Variants in LAMA2 observed in about 807,000 individuals in gnomAD.
LAMA2 encodes the protein laminin subunit alpha-2.
Under a neutral mutation model 364.8 loss-of-function variants are expected in LAMA2, and 269 were observed. The ratio of observed to expected loss-of-function variants is 0.74; its 90% CI spans 0.67 to 0.82. The LOEUF is 0.82. Ranked by LOEUF, LAMA2 falls within the 40% of genes least tolerant of loss-of-function variation. The probability of loss-of-function intolerance (pLI) is 0.00; values close to 1 mark genes in which losing one functional copy is unlikely to be tolerated. For synonymous variants in LAMA2, 1,379 were observed against 1,370.6 expected, an observed-to-expected ratio of 1.01 and a Z score of -0.14; for missense variants, 3,807 against 3,873.2, an observed-to-expected ratio of 0.98 and a Z score of 0.45.
chr6:129,185,055 G>A (rs1452702204), intron 10 of LAMA2, among the ~76,000 whole-genome samples: 2 of 151,808 alleles, frequency 1.3e-5, no homozygotes, highest in Non-Finnish European at 2.9e-5. Context: ...AAGAAAACCT[G>A]TAATTAACTA....
chr6:129,452,007 G>C (rs1257462073), intron 45 of LAMA2, among the ~76,000 whole-genome samples: 3 of 152,214 alleles, frequency 2.0e-5, no homozygotes, highest in Admixed American at 1.3e-4. Context: ...TTCACTGCTA[G>C]TGAAGGCCAA....
At chr6:129,427,895 G>T in intron 41 of LAMA2, 41 bp downstream of exon 41, 2 of 1,185,628 alleles carry the variant, frequency 1.7e-6, no homozygotes, top group Non-Finnish European at 2.5e-6. Context: ...CAGTTAATCG[G>T]GTTGTTACTG....
chr6:129,221,997 T>A (rs748453727), intron 12 of LAMA2, among the ~76,000 whole-genome samples: 1 of 152,212 alleles, frequency 6.6e-6, no homozygotes, highest in Admixed American at 6.5e-5. Flanking sequence ...AGCAAACATA[T>A]ATTTGCTGAA....
At chr6:129,020,596 C>T (rs1785391474) in intron 1 of LAMA2, among the ~76,000 whole-genome samples, 1 of 152,148 alleles carries the variant, frequency 6.6e-6, no homozygotes, top group Non-Finnish European at 1.5e-5. Context: ...AAGATAAAGT[C>T]TCTAAGGTAG....
At chr6:129,083,622 T>G (rs1774196634) in intron 3 of LAMA2, among the ~76,000 whole-genome samples, 1 of 152,204 alleles carries the variant, frequency 6.6e-6, no homozygotes, top group South Asian at 2.1e-4. Flanking sequence ...CCAAGCTGAC[T>G]TTACCTCCAA....
chr6:128,923,938 G>A (rs1485597702), intron 1 of LAMA2, among the ~76,000 whole-genome samples: 1 of 152,130 alleles, frequency 6.6e-6, no homozygotes, highest in Admixed American at 6.6e-5. Flanking sequence ...TAGGTCTTCA[G>A]TGCTTCAGCT....
rs1033812105 is a variant in LAMA2 at position 128,935,012 on chromosome 6, C to G, written c.112+51655C>G. 2.6e-5 allele frequency among the ~76,000 whole-genome samples: 4 copies of G among 152,026 alleles called. No individual in the cohort carries two copies. The East Asian group carries it at 7.7e-4, about 29-fold the overall frequency. On this transcript the variant is annotated intron_variant, in intron 1 of 64. Coordinates refer to ENST00000421865, the MANE Select transcript of LAMA2 (RefSeq NM_000426.4). ...TTTCAGTGTACAGATCTTTCACCTCCTTGGTTAAATTTATTCGTATATATT... is the reference window on the plus strand; with the variant it reads ...TTTCAGTGTACAGATCTTTCACCTCGTTGGTTAAATTTATTCGTATATATT...
intron 3 of LAMA2, among the ~76,000 whole-genome samples, chr6:129,082,007 C>G (rs9375616): frequency 0.95 from 144,448 of 152,192 alleles, 68,614 homozygotes; most frequent in East Asian, 0.97. Flanking sequence ...GTATAACAAT[C>G]AAAATATTCC....
chr6:128,957,225 T>C (rs1483540465), intron 1 of LAMA2, among the ~76,000 whole-genome samples: 2 of 152,122 alleles, frequency 1.3e-5, no homozygotes, highest in Non-Finnish European at 2.9e-5. Context: ...ATAAAGGTAT[T>C]TGGACTCCAG....
intron 27 of LAMA2, among the ~76,000 whole-genome samples, chr6:129,316,472 A>G (rs1774617825): frequency 6.6e-6 from 1 of 152,198 alleles, no homozygotes; most frequent in African/African-American, 2.4e-5. Context: ...GGTAAAATTA[A>G]CTGTTGTGGT....
chr6:129,049,818 T>C (rs188986269), intron 1 of LAMA2, 100 bp from the exon 2 acceptor site: 707 of 1,037,488 alleles, frequency 6.8e-4, no homozygotes, highest in Non-Finnish European at 9.6e-4. Flanking sequence ...TGGGTTACTT[T>C]AATGCTCCGA....
At chr6:129,025,894 T>C (rs900571674) in intron 1 of LAMA2, among the ~76,000 whole-genome samples, 5 of 152,226 alleles carry the variant, frequency 3.3e-5, no homozygotes, top group African/African-American at 1.2e-4. Flanking sequence ...CCAGTCTTCC[T>C]ACACTTAACA....
chr6:129,326,732 A>T (rs1474425459), intron 28 of LAMA2, among the ~76,000 whole-genome samples: 1 of 144,962 alleles, frequency 6.9e-6, no homozygotes, highest in African/African-American at 2.5e-5. Context: ...TATTATATAT[A>T]TTTTATATAT....
chr6:129,364,362 A>G (rs1319344748), intron 32 of LAMA2, among the ~76,000 whole-genome samples: 1 of 152,100 alleles, frequency 6.6e-6, no homozygotes, highest in East Asian at 1.9e-4. Flanking sequence ...AGCTGCTCCA[A>G]TTCTCGGTAT....
intron 61 of LAMA2, among the ~76,000 whole-genome samples, chr6:129,505,724 G>C (rs1237381933): frequency 6.6e-6 from 1 of 151,854 alleles, no homozygotes; most frequent in South Asian, 2.1e-4. Flanking sequence ...TAGAGACGGG[G>C]GGTTTCACTG....
intron 18 of LAMA2, among the ~76,000 whole-genome samples, chr6:129,286,109 T>C (rs180773708): frequency 2.0e-5 from 3 of 152,128 alleles, no homozygotes; most frequent in Admixed American, 2.0e-4. Flanking sequence ...TTATTTCAAA[T>C]GGTAGAGAGC....
At chr6:129,491,581 C>T (rs1448410702) in intron 56 of LAMA2, among the ~76,000 whole-genome samples, 1 of 152,218 alleles carries the variant, frequency 6.6e-6, no homozygotes, top group Non-Finnish European at 1.5e-5. Context: ...TACGGTTAGA[C>T]ATTACTGCAC....
chr6:129,229,550 T>A (rs955141280), intron 12 of LAMA2, among the ~76,000 whole-genome samples: 1 of 152,206 alleles, frequency 6.6e-6, no homozygotes, highest in African/African-American at 2.4e-5. Context: ...ATCTGAGTTA[T>A]GTTTTAATAG....
intron 35 of LAMA2, among the ~76,000 whole-genome samples, chr6:129,387,176 T>C (rs535639257): frequency 6.6e-6 from 1 of 152,328 alleles, no homozygotes; most frequent in South Asian, 2.1e-4. Context: ...TCCTTTTTAC[T>C]TTAAGTTCTG....
Sources: gnomAD v4.1 joint callset for allele counts (sites outside exome capture counted in the v4.1 genomes callset) on GRCh38, gnomAD v4.1.1 for gene constraint, MANE v1.5 for transcripts, NCBI Gene and HGNC (gene_info 2026-07-23, HGNC 2026-07-21) for gene names.